Variants in TSC22D1 observed in about 807,000 individuals in gnomAD.
The protein encoded by TSC22D1 is TSC22 domain family member 1, also known as TSC22 domain family protein 1.
Under a neutral mutation model 74.2 loss-of-function variants are expected in TSC22D1, and 9 were observed. That is an observed-to-expected ratio of 0.12 (90% CI 0.07 to 0.21). TSC22D1 has a LOEUF of 0.21. Among genes scored for constraint, TSC22D1 ranks in the 10% least tolerant of loss-of-function variants. The probability of loss-of-function intolerance (pLI) is 1.00; values close to 1 mark genes in which losing one functional copy is unlikely to be tolerated. For synonymous variants in TSC22D1, 586 were observed against 492.5 expected (o/e 1.19, Z -2.51); for missense variants, 1,427 against 1,304.7 (o/e 1.09, Z -1.44).
chr13:44,525,795 C>CAAAAAAAAAAAAAAAA (rs59399056), intron 1 of TSC22D1, among the ~76,000 whole-genome samples: 2 of 88,548 alleles, frequency 2.3e-5, no homozygotes, highest in Non-Finnish European at 5.1e-5. Context: ...TAGCTTTTAA[C>CAAAAAAAAAAAAAAAA]AAAAAAAAAA....
intron 1 of TSC22D1, among the ~76,000 whole-genome samples, chr13:44,518,303 A>G (rs1362166272): frequency 6.6e-6 from 1 of 152,182 alleles, no homozygotes; most frequent in East Asian, 1.9e-4. Context: ...AGGTATTTCT[A>G]ATTAGGCAAA....
At chr13:44,549,546 G>C (rs1217965839) in intron 1 of TSC22D1, among the ~76,000 whole-genome samples, 11 of 152,052 alleles carry the variant, frequency 7.2e-5, no homozygotes, top group Admixed American at 5.9e-4. Flanking sequence ...GCTGAGGAGA[G>C]AGGATCTCTT....
In TSC22D1 at chr13:44,572,039, G is replaced by T. The variant is rs1235073629; in HGVS notation, c.2912+1124C>A. On this transcript the variant is annotated intron_variant, in intron 1 of 2. Transcript: ENST00000458659. ...ATATAAATGCTTAAATTCGCTTGAT[G>T]AAAGTTCAATCACAAAACCCTCCAA... 2.0e-5 allele frequency among the ~76,000 whole-genome samples: 3 copies of T among 152,084 alleles called. No individual in the cohort carries two copies. The East Asian group carries it at 5.8e-4, about 29-fold the overall frequency.
At chr13:44,577,287 T>TC (rs1884314018), upstream of TSC22D1, 1 of 150,700 alleles carries the variant, frequency 6.6e-6, no homozygotes, top group Non-Finnish European at 1.5e-5. Context: ...CTTCTTCGGC[T>TC]CCCCCGGCTC....
At chr13:44,486,667 T>C (rs530480168) in intron 1 of TSC22D1, among the ~76,000 whole-genome samples, 51 of 152,258 alleles carry the variant, frequency 3.3e-4, no homozygotes, top group African/African-American at 1.2e-3. Flanking sequence ...ACATGGACAA[T>C]CTATATAAAC....
At chr13:44,458,589 T>G (rs1452688093) in intron 1 of TSC22D1, among the ~76,000 whole-genome samples, 1 of 151,874 alleles carries the variant, frequency 6.6e-6, no homozygotes, top group South Asian at 2.1e-4. Flanking sequence ...CAGGCACAGC[T>G]GCAGCTGCCC....
At chr13:44,531,281 A>G (rs1342776704) in intron 1 of TSC22D1, among the ~76,000 whole-genome samples, 1 of 152,188 alleles carries the variant, frequency 6.6e-6, no homozygotes, top group East Asian at 1.9e-4. Context: ...CTCTTTTTTA[A>G]AAGTCTATTA....
intron 1 of TSC22D1, chr13:44,539,328 C>T (rs1158050953): frequency 1.0e-6 from 1 of 985,066 alleles, no homozygotes; most frequent in Non-Finnish European, 1.2e-6. Context: ...AGGAAGAAGA[C>T]CAAAAGGTTC....
At chr13:44,552,077 C>T (rs919046190) in intron 1 of TSC22D1, among the ~76,000 whole-genome samples, 13 of 152,138 alleles carry the variant, frequency 8.5e-5, no homozygotes, top group Non-Finnish European at 1.9e-4. Context: ...TGCTGGCCAT[C>T]GTAAAGGAAT....
upstream of TSC22D1, chr13:44,577,164 T>A (rs1443763119): frequency 6.6e-6 from 1 of 151,960 alleles, no homozygotes; most frequent in Non-Finnish European, 1.5e-5. Flanking sequence ...GCCGACGCCG[T>A]TCAAAGGAAC....
intron 1 of TSC22D1, among the ~76,000 whole-genome samples, chr13:44,481,928 C>T (rs1056622190): frequency 6.6e-6 from 1 of 152,154 alleles, no homozygotes; most frequent in Non-Finnish European, 1.5e-5. Flanking sequence ...ACTGACTGAA[C>T]CATTATTCCC....
intron 1 of TSC22D1, 96 bp downstream of exon 1, chr13:44,573,060 CACAATAT>C (rs1390143807): frequency 6.9e-7 from 1 of 1,450,446 alleles, no homozygotes; most frequent in East Asian, 2.4e-5. Context: ...ACATACAAAA[CACAATAT>C]ACAATGTTTT....
At chr13:44,572,522 G>A (rs887264286) in intron 1 of TSC22D1, among the ~76,000 whole-genome samples, 17 of 152,158 alleles carry the variant, frequency 1.1e-4, no homozygotes, top group Non-Finnish European at 4.4e-5. Context: ...ATCAAGATAA[G>A]TCTGGTTATT....
chr13:44,462,178 A>G (rs1326851711), intron 1 of TSC22D1, among the ~76,000 whole-genome samples: 1 of 152,240 alleles, frequency 6.6e-6, no homozygotes. Flanking sequence ...AGAATAATTC[A>G]GACTGGTGAC....
intron 1 of TSC22D1, among the ~76,000 whole-genome samples, chr13:44,558,790 T>G (rs1358816382): frequency 3.3e-5 from 5 of 152,166 alleles, no homozygotes; most frequent in Non-Finnish European, 7.4e-5. Context: ...GTATTAAATA[T>G]ACTTGTTCCT....
intron 1 of TSC22D1, among the ~76,000 whole-genome samples, chr13:44,485,077 CTCTT>C (rs1382899794): frequency 6.6e-6 from 1 of 152,046 alleles, no homozygotes; most frequent in African/African-American, 2.4e-5. Context: ...GGAGTCCATC[CTCTT>C]TCTTTTACCA....
chr13:44,502,938 AAAGT>A (rs1392408849), intron 1 of TSC22D1, among the ~76,000 whole-genome samples: 1 of 152,234 alleles, frequency 6.6e-6, no homozygotes, highest in Non-Finnish European at 1.5e-5. Flanking sequence ...CAAACTATTT[AAAGT>A]AAGAACCACA....
intron 1 of TSC22D1, among the ~76,000 whole-genome samples, chr13:44,559,530 C>CA (rs1882897290): frequency 6.6e-6 from 1 of 151,312 alleles, no homozygotes; most frequent in Admixed American, 6.6e-5. Context: ...AAAAAATTAA[C>CA]TTTTTTTTTC....
At chr13:44,482,629 A>G (rs1180987152) in intron 1 of TSC22D1, among the ~76,000 whole-genome samples, 1 of 152,240 alleles carries the variant, frequency 6.6e-6, no homozygotes, top group East Asian at 1.9e-4. Flanking sequence ...TGAAGACTCA[A>G]CTTTGTTGTT....
Sources: allele counts gnomAD v4.1 joint callset (sites outside exome capture counted in the v4.1 genomes callset), GRCh38; gene constraint gnomAD v4.1.1; transcripts MANE v1.5; gene names NCBI Gene and HGNC (gene_info 2026-07-23, HGNC 2026-07-21).